The following ATRN variants were observed in gnomAD, a reference collection of about 807,000 sequenced individuals.
The protein encoded by ATRN is attractin-2.
ATRN carries 54 observed loss-of-function variants against 178.7 expected under a neutral mutation model. The ratio of observed to expected loss-of-function variants is 0.30; its 90% CI spans 0.24 to 0.38. ATRN has a LOEUF of 0.38. Ranked by LOEUF, ATRN falls within the 10% of genes least tolerant of loss-of-function variation. The pLI, the probability that ATRN is intolerant of heterozygous loss-of-function variation, is 1.00. For missense variants in ATRN, 1,443 were observed against 1,815.1 expected (o/e 0.79, Z 3.73); for synonymous variants, 636 against 663.0 (o/e 0.96, Z 0.63).
chr20:3,549,371 T>A (rs2085756525), intron 6 of ATRN, 33 bp downstream of exon 6: 1 of 1,474,606 alleles, frequency 6.8e-7, no homozygotes, highest in East Asian at 2.6e-5. Flanking sequence ...GCAAGAAGCT[T>A]AGTTTTTTAT....
Position 3,540,232 on chromosome 20 carries a change from A to G in ATRN, c.505A>G (p.Ile169Val), listed in dbSNP as rs2085598724. The G allele has an allele frequency of 1.3e-6, 2 of 1,590,878 alleles. No homozygotes were observed. The highest frequency in any genetic ancestry group is 1.3e-5 in the African/African-American group (1 of 74,226). The change falls in exon 3 of 29, where the codon ATA (isoleucine) becomes GTA (valine). Residue 169 changes from isoleucine (I) to valine (V), a missense_variant. Around this residue, in one of 4 missense-constraint regions of ATRN, gnomAD observed 862 missense variants for 972.1 expected, o/e 0.89. Coordinates refer to ENST00000262919, the MANE Select transcript of ATRN (RefSeq NM_139321.3). ...TWLIEGQPNR[I>V]MRLRFNHFAT... ...TTTTATTCTTTTCAGGCCAAATAGA[A>G]TAATGAGACTTCGTTTCAATCATTT...
chr20:3,615,680 C>T (rs2086836499), intron 24 of ATRN: 4 of 384,356 alleles, frequency 1.0e-5, no homozygotes, highest in South Asian at 3.7e-5. Context: ...CTCAGCCTTG[C>T]GAGTAGCTGG....
chr20:3,609,714 ATGTGTGTGTGTGTG>A (rs34028518), intron 24 of ATRN, among the ~76,000 whole-genome samples: 5 of 146,224 alleles, frequency 3.4e-5, no homozygotes, highest in South Asian at 4.4e-4. Context: ...GTATGTATGT[ATGTGTGTGTGTGTG>A]TGTGTGTGTG....
chr20:3,618,575 A>G (rs1436386708), intron 24 of ATRN, among the ~76,000 whole-genome samples: 1 of 152,246 alleles, frequency 6.6e-6, no homozygotes, highest in African/African-American at 2.4e-5. Flanking sequence ...GCTAGGAGAA[A>G]ATTAGGGAAA....
chr20:3,524,694 A>G lies in ATRN; in HGVS notation c.411-10559A>G, dbSNP rs1351544195. 3.3e-5 allele frequency among the ~76,000 whole-genome samples: 5 copies of G among 152,230 alleles called. No homozygotes were observed. In the East Asian group the frequency reaches 7.7e-4, roughly 23 times the overall value. ...AACACTCCTCAGCAAATGCAAAAGA[A>G]TAGAAATCATAACGTCCCTCAGACC... On this transcript the variant is annotated intron_variant, in intron 1 of 28. Coordinates refer to ENST00000262919, the MANE Select transcript of ATRN (RefSeq NM_139321.3).
chr20:3,589,222 TCTC>T (rs1401403322), intron 18 of ATRN, among the ~76,000 whole-genome samples: 1 of 152,038 alleles, frequency 6.6e-6, no homozygotes, highest in Non-Finnish European at 1.5e-5. Context: ...ATGGTCTCGA[TCTC>T]CTGACCTCGT....
At position 3,547,555 on chromosome 20, in the gene ATRN, G is replaced by A. The variant is rs903150116; in HGVS notation, c.943+66G>A. 3.9e-6 allele frequency: 5 copies of A among 1,290,206 alleles called. No homozygotes were observed. The African/African-American group carries it at 6.0e-5, about 16-fold the overall frequency. 79.9% of individuals were successfully genotyped at this position (1,290,206 alleles called of 1,614,324 possible). On this transcript the variant is annotated intron_variant, in intron 5 of 28. Coordinates refer to ENST00000262919, the MANE Select transcript of ATRN (RefSeq NM_139321.3). ...GAACATTCCCACTAAATAAATTATAGATTGACTTTATTCTTAGCACCTATA... is the reference window on the plus strand; with the variant it reads ...GAACATTCCCACTAAATAAATTATAAATTGACTTTATTCTTAGCACCTATA...
intron 10 of ATRN, among the ~76,000 whole-genome samples, chr20:3,563,974 T>G (rs1003999513): frequency 2.0e-5 from 3 of 152,234 alleles, no homozygotes; most frequent in Non-Finnish European, 4.4e-5. Context: ...CCATCCATCT[T>G]CAGAACTGTC....
At chr20:3,552,382 C>T (rs1047255704) in intron 6 of ATRN, among the ~76,000 whole-genome samples, 1 of 151,752 alleles carries the variant, frequency 6.6e-6, no homozygotes, top group Non-Finnish European at 1.5e-5. Flanking sequence ...ATCTTATGCT[C>T]AGCATGTCCC....
intron 25 of ATRN, among the ~76,000 whole-genome samples, chr20:3,630,513 G>A (rs986478512): frequency 2.6e-5 from 4 of 152,170 alleles, no homozygotes; most frequent in African/African-American, 4.8e-5. Context: ...TTTAAGGGAT[G>A]TAGGGGCTGT....
In ATRN at chr20:3,547,380, A is replaced by G; in HGVS notation, c.834A>G (p.Lys278=). The G allele has an allele frequency of 3.7e-6, 6 of 1,613,906 alleles. No individual in the cohort carries two copies. Among genetic ancestry groups the G allele is most frequent in the Non-Finnish European group, 5.1e-6 (6 of 1,179,740 alleles). ...TVECECSENW[K]GEACDIPHCT... Reference sequence around the variant, plus strand: ...AATGTGAATGTTCTGAAAACTGGAAAGGTGAAGCATGTGACATTCCTCACT... The same window carrying G: ...AATGTGAATGTTCTGAAAACTGGAAGGGTGAAGCATGTGACATTCCTCACT... The change falls in exon 5 of 29, where the codon AAA becomes AAG. Residue 278 remains lysine, a synonymous_variant. Coordinates refer to ENST00000262919, the MANE Select transcript of ATRN (RefSeq NM_139321.3).
chr20:3,640,723 T>G (rs1327846650), intron 27 of ATRN, among the ~76,000 whole-genome samples: 1 of 152,160 alleles, frequency 6.6e-6, no homozygotes, highest in South Asian at 2.1e-4. Flanking sequence ...CCCCCCAGAA[T>G]TAAAAGTAGA....
At chr20:3,560,927 G>T (rs1476051513) in intron 8 of ATRN, 22 bp downstream of exon 8, 2 of 1,609,952 alleles carry the variant, frequency 1.2e-6, no homozygotes, top group African/African-American at 2.7e-5. Context: ...TTTTCCAGTA[G>T]ATGCCTTTTG....
chr20:3,516,017 T>C (rs2085201697), intron 1 of ATRN, among the ~76,000 whole-genome samples: 1 of 152,218 alleles, frequency 6.6e-6, no homozygotes, highest in African/African-American at 2.4e-5. Flanking sequence ...AGGCATACTT[T>C]TAGGCACTGG....
rs1315148576 is a variant in ATRN, at chr20:3,562,353, C to T, written c.1525C>T (p.His509Tyr). The change falls in exon 9 of 29, where the codon CAT becomes TAT. Residue 509 changes from histidine to tyrosine, a missense_variant. Around this residue, in one of 4 missense-constraint regions of ATRN, gnomAD observed 862 missense variants for 972.1 expected, o/e 0.89. Coordinates refer to ENST00000262919, the MANE Select transcript of ATRN (RefSeq NM_139321.3). ...TTACGGCCATAGCAGTGTTTACGAC[C>T]ATAGGACCAGGGCCCTATACGTTCA... Reference protein sequence around the residue: ...GGYGHSSVYDHRTRALYVHGG... With the variant: ...GGYGHSSVYDYRTRALYVHGG... 2 of 1,613,900 alleles carry T rather than the reference C, an allele frequency of 1.2e-6. No homozygotes were observed. Among genetic ancestry groups the T allele is most frequent in the African/African-American group, 2.7e-5 (2 of 74,878 alleles).
chr20:3,565,490 G>A lies in ATRN; in HGVS notation c.1871+58G>A, dbSNP rs546060731. On this transcript the variant is annotated intron_variant, in intron 11 of 28. Coordinates refer to ENST00000262919, the MANE Select transcript of ATRN (RefSeq NM_139321.3). ...GTGTTTAAAATGAAAATAAAGGGCCGGGCACGGTGGCTCACGCCTGTAATT... is the reference window on the plus strand; with the variant it reads ...GTGTTTAAAATGAAAATAAAGGGCCAGGCACGGTGGCTCACGCCTGTAATT... 2.1e-4 allele frequency: 310 copies of A among 1,458,398 alleles called. 3 individuals carry two copies. In the South Asian group the frequency reaches 3.2e-3, roughly 15 times the overall value. 90.3% of individuals were successfully genotyped at this position (1,458,398 alleles called of 1,614,324 possible). A position where few individuals can be genotyped will look rare whatever the true frequency, so the allele number is the denominator to read the frequency against.
intron 25 of ATRN, among the ~76,000 whole-genome samples, chr20:3,630,802 T>C (rs371685844): frequency 7.2e-5 from 11 of 152,264 alleles, no homozygotes; most frequent in South Asian, 2.1e-4. Flanking sequence ...TTCTAGACGA[T>C]GTTTACTAAC....
chr20:3,587,027 A>G (rs999038950), intron 18 of ATRN, among the ~76,000 whole-genome samples: 2 of 152,156 alleles, frequency 1.3e-5, no homozygotes, highest in African/African-American at 2.4e-5. Context: ...AGCCTTTTGT[A>G]TATCTTCTTT....
intron 2 of ATRN, among the ~76,000 whole-genome samples, chr20:3,538,868 T>C (rs899029583): frequency 3.3e-5 from 5 of 152,354 alleles, no homozygotes; most frequent in Admixed American, 1.3e-4. Context: ...GTTTCAGATA[T>C]GCTGATTTTC....
Sources: gnomAD v4.1 joint callset for allele counts (sites outside exome capture counted in the v4.1 genomes callset) on GRCh38, gnomAD v4.1.1 for gene constraint, gnomAD v4.1.1 regional missense constraint, MANE v1.5 for transcripts, NCBI Gene and HGNC (gene_info 2026-07-23, HGNC 2026-07-21) for gene names.